SNCAIP: variants seen among roughly 807,000 people sequenced by gnomAD.
SNCAIP encodes synuclein alpha interacting protein, also known as synphilin-1.
Under a neutral mutation model 86.7 loss-of-function variants are expected in SNCAIP, and 43 were observed. The ratio of observed to expected loss-of-function variants is 0.50; its 90% CI spans 0.39 to 0.64. The LOEUF (loss-of-function observed/expected upper bound fraction) is 0.64, where lower values mean the gene tolerates loss of function less well. Among genes scored for constraint, SNCAIP ranks in the 30% least tolerant of loss-of-function variants. SNCAIP has a pLI of 0.00. For missense variants in SNCAIP, 981 were observed against 1,103.1 expected (o/e 0.89, Z 1.57); for synonymous variants, 417 against 427.2 (o/e 0.98, Z 0.29).
At chr5:122,377,105 G>A (rs1765485186) in intron 1 of SNCAIP, among the ~76,000 whole-genome samples, 1 of 152,092 alleles carries the variant, frequency 6.6e-6, no homozygotes, top group Non-Finnish European at 1.5e-5. Flanking sequence ...ATTTACCCTT[G>A]AAGTTAAATC....
At chr5:122,453,299 A>T (rs1413303026) in intron 10 of SNCAIP, among the ~76,000 whole-genome samples, 2 of 152,228 alleles carry the variant, frequency 1.3e-5, no homozygotes, top group African/African-American at 4.8e-5. Context: ...GGAGTCAAGT[A>T]TTAAGAAAGT....
chr5:122,394,072 A>G (rs1318565726), intron 2 of SNCAIP, among the ~76,000 whole-genome samples: 1 of 151,986 alleles, frequency 6.6e-6, no homozygotes, highest in Non-Finnish European at 1.5e-5. Context: ...GTAGTTTCCC[A>G]TGAACATGCA....
chr5:122,444,669 T>C lies in SNCAIP; in HGVS notation c.1529T>C (p.Val510Ala). The change falls in exon 8 of 11, where the codon GTG becomes GCG. Residue 510 changes from valine (V) to alanine (A), a missense_variant. Val to Ala is a moderately conservative substitution (Grantham distance 64, BLOSUM62 0). Coordinates refer to ENST00000261368, the MANE Select transcript of SNCAIP (RefSeq NM_005460.4). Reference protein sequence around the residue: ...QGHTLCSRYLVVVETCMSLAS... With the variant: ...QGHTLCSRYLAVVETCMSLAS... ...CACACCCTGTGCTCCAGGTACCTGG[T>C]GGTGGTGGAGACCTGCATGTCGCTG... is the stretch of plus-strand genomic sequence containing the variant. 1 of 1,613,806 alleles carries C rather than the reference T, an allele frequency of 6.2e-7. No individual in the cohort carries two copies. The highest frequency in any genetic ancestry group is 8.5e-7 in the Non-Finnish European group (1 of 1,179,846).
At chr5:122,458,137 G>T (rs1263951636) in intron 10 of SNCAIP, among the ~76,000 whole-genome samples, 2 of 152,176 alleles carry the variant, frequency 1.3e-5, no homozygotes, top group East Asian at 3.8e-4. Context: ...CATAAAAAAG[G>T]CAGGGAAGAC....
chr5:122,428,904 G>A (rs745443047), intron 5 of SNCAIP, among the ~76,000 whole-genome samples: 6 of 151,918 alleles, frequency 3.9e-5, no homozygotes, highest in African/African-American at 9.7e-5. Context: ...CATCCATGCC[G>A]CTACAAAGGA....
In SNCAIP at chr5:122,380,599, C is replaced by T. The variant is rs1332445436; in HGVS notation, c.-46-10490C>T. 8.2e-3 allele frequency among the ~76,000 whole-genome samples: 1,231 copies of T among 149,260 alleles called. 33 individuals are homozygous for T. The highest frequency in any genetic ancestry group is 0.058 in the East Asian group (291 of 5,046). On this transcript the variant is annotated intron_variant, in intron 1 of 10. Transcript: ENST00000261368. Reference sequence around the variant, plus strand: ...TTCTGCTAGCTTTTGAATGTGTTTGCTCTTGCTTTTCTAGTTCTTTTAATT... The same window carrying T: ...TTCTGCTAGCTTTTGAATGTGTTTGTTCTTGCTTTTCTAGTTCTTTTAATT...
intron 1 of SNCAIP, among the ~76,000 whole-genome samples, chr5:122,326,606 C>CTTTTTTTT (rs11297385): frequency 7.1e-5 from 3 of 42,130 alleles, no homozygotes; most frequent in African/African-American, 1.3e-4. Context: ...GAAATGTCTC[C>CTTTTTTTT]TTTTTTTTTT....
chr5:122,444,388 A>G, intron 7 of SNCAIP, 175 bp from the exon 8 acceptor site: 1 of 676,830 alleles, frequency 1.5e-6, no homozygotes, highest in African/African-American at 1.8e-5. Context: ...ATGAGCATTG[A>G]TAGTAGTAGG....
At chr5:122,410,807 C>T (rs944789752) in intron 3 of SNCAIP, among the ~76,000 whole-genome samples, 1 of 152,160 alleles carries the variant, frequency 6.6e-6, no homozygotes, top group South Asian at 2.1e-4. Context: ...TGGGTGACAG[C>T]GAGATTCCGT....
intron 1 of SNCAIP, among the ~76,000 whole-genome samples, chr5:122,316,307 C>A (rs1389683221): frequency 6.6e-6 from 1 of 152,124 alleles, no homozygotes; most frequent in Non-Finnish European, 1.5e-5. Context: ...CTAAGCATAC[C>A]AGGCAAGAGA....
chr5:122,429,859 GAAAGGACTGAGTAC>G (rs1314640270), intron 5 of SNCAIP, among the ~76,000 whole-genome samples: 2 of 152,130 alleles, frequency 1.3e-5, no homozygotes, highest in African/African-American at 4.8e-5. Flanking sequence ...ACTTGAGATA[GAAAGGACTGAGTAC>G]AAAGGACTGG....
chr5:122,388,716 C>T (rs754528496), intron 1 of SNCAIP: 2 of 152,154 alleles, frequency 1.3e-5, no homozygotes, highest in Admixed American at 6.5e-5. Context: ...TGGAAAACCA[C>T]GGGGATTTCT....
intron 1 of SNCAIP, among the ~76,000 whole-genome samples, chr5:122,369,352 T>A (rs1763821835): frequency 6.6e-6 from 1 of 152,228 alleles, no homozygotes; most frequent in East Asian, 1.9e-4. Context: ...GAACCCAATG[T>A]ACTTTGAGAT....
chr5:122,435,295 G>C (rs773663464), intron 6 of SNCAIP, among the ~76,000 whole-genome samples: 1 of 152,158 alleles, frequency 6.6e-6, no homozygotes, highest in Non-Finnish European at 1.5e-5. Flanking sequence ...TGAGAAAGAT[G>C]TTGCTGGCAA....
At chr5:122,439,134 A>G (rs957303738) in intron 6 of SNCAIP, among the ~76,000 whole-genome samples, 1 of 152,242 alleles carries the variant, frequency 6.6e-6, no homozygotes, top group African/African-American at 2.4e-5. Flanking sequence ...CTTTTACGTT[A>G]TGCAAATGAA....
intron 1 of SNCAIP, among the ~76,000 whole-genome samples, chr5:122,322,902 A>G (rs1753263672): frequency 6.6e-6 from 1 of 152,208 alleles, no homozygotes; most frequent in Non-Finnish European, 1.5e-5. Flanking sequence ...GGGATTCTTA[A>G]AAAAGAATTC....
chr5:122,432,272 CAT>C (rs1193822176), intron 6 of SNCAIP, among the ~76,000 whole-genome samples, 190 bp downstream of exon 6: 2 of 151,998 alleles, frequency 1.3e-5, no homozygotes, highest in Non-Finnish European at 2.9e-5. Flanking sequence ...ATAAATATCC[CAT>C]GACAGATATT....
At chr5:122,452,410 A>G (rs568445666) in intron 10 of SNCAIP, among the ~76,000 whole-genome samples, 3 of 152,320 alleles carry the variant, frequency 2.0e-5, no homozygotes, top group African/African-American at 7.2e-5. Flanking sequence ...ATCATTCTCC[A>G]TGTGATCCAG....
chr5:122,368,472 TTTC>T (rs1763618031), intron 1 of SNCAIP, among the ~76,000 whole-genome samples: 1 of 152,144 alleles, frequency 6.6e-6, no homozygotes, highest in Admixed American at 6.6e-5. Context: ...TTTCTCCCCA[TTTC>T]TACTCAAGCC....
Sources: gnomAD v4.1 joint callset for allele counts (sites outside exome capture counted in the v4.1 genomes callset) on GRCh38, gnomAD v4.1.1 for gene constraint, MANE v1.5 for transcripts, NCBI Gene and HGNC (gene_info 2026-07-23, HGNC 2026-07-21) for gene names.